NR3C2: variants seen among roughly 807,000 people sequenced by gnomAD.
NR3C2 encodes mineralocorticoid receptor.
A neutral mutation model predicts 86.4 loss-of-function variants in NR3C2; 15 were observed. That is an observed-to-expected ratio of 0.17 (90% CI 0.12 to 0.27). The LOEUF (loss-of-function observed/expected upper bound fraction) is 0.27. NR3C2 is among the 10% of genes least tolerant of loss of function. NR3C2 has a pLI of 1.00. For synonymous variants in NR3C2, 458 were observed against 450.5 expected (o/e 1.02, Z -0.21); for missense variants, 960 against 1,195.6 (o/e 0.80, Z 2.91).
chr4:148,435,890 C>T lies in NR3C2; in HGVS notation c.971G>A (p.Ser324Asn). Residue 324 changes from serine (S) to asparagine (N), a missense_variant, in exon 2 of 9, where the codon AGT becomes AAT. Around this residue, in one of 4 missense-constraint regions of NR3C2, gnomAD observed 680 missense variants for 719.0 expected, o/e 0.95. Coordinates refer to ENST00000358102, the MANE Select transcript of NR3C2 (RefSeq NM_000901.5). ...AGATCCCACAGTACTGGCTGCCGGA[C>T]TGGAAAGCGTGGATCTGTTATTAGT... ...SNTNNRSTLS[S>N]PAASTVGSIC... is the part of the protein sequence containing the mutation. 1 of 1,614,174 alleles carries T rather than the reference C, an allele frequency of 6.2e-7. No homozygotes were observed. Among genetic ancestry groups the T allele is most frequent in the Non-Finnish European group, 8.5e-7 (1 of 1,180,038 alleles).
At chr4:148,368,278 T>C (rs1477206701) in intron 2 of NR3C2, 1 of 152,200 alleles carries the variant, frequency 6.6e-6, no homozygotes, top group Non-Finnish European at 1.5e-5. Context: ...TGAGCCTTTG[T>C]ACACTTGCGG....
intron 2 of NR3C2, among the ~76,000 whole-genome samples, chr4:148,402,168 C>T (rs1270696902): frequency 6.6e-6 from 1 of 152,150 alleles, no homozygotes. Context: ...ATTACAGTAA[C>T]AAGCCTCACG....
intron 2 of NR3C2, among the ~76,000 whole-genome samples, chr4:148,340,800 C>T (rs10024999): frequency 0.65 from 98,978 of 152,022 alleles, 33,744 homozygotes; most frequent in Non-Finnish European, 0.75. Context: ...CCAATTGTTT[C>T]AAATGGACAA....
intron 4 of NR3C2, among the ~76,000 whole-genome samples, chr4:148,173,979 A>G (rs927012202): frequency 1.3e-5 from 2 of 152,208 alleles, no homozygotes; most frequent in Non-Finnish European, 2.9e-5. Flanking sequence ...GGCAAAGACA[A>G]AAATGGGTGT....
chr4:148,421,418 T>C (rs1010802300), intron 2 of NR3C2, among the ~76,000 whole-genome samples: 1 of 152,246 alleles, frequency 6.6e-6, no homozygotes, highest in Non-Finnish European at 1.5e-5. Flanking sequence ...TGTCTTAATA[T>C]AGTCTTTCTT....
chr4:148,398,799 A>T (rs1358604166), intron 2 of NR3C2, among the ~76,000 whole-genome samples: 1 of 152,212 alleles, frequency 6.6e-6, no homozygotes, highest in Non-Finnish European at 1.5e-5. Context: ...AATAATTACC[A>T]ATTGTAATGC....
At chr4:148,302,508 T>C (rs1742391493) in intron 2 of NR3C2, among the ~76,000 whole-genome samples, 2 of 152,196 alleles carry the variant, frequency 1.3e-5, no homozygotes, top group Non-Finnish European at 2.9e-5. Context: ...ACATAGTTGT[T>C]TGCTTAAGTG....
At chr4:148,188,478 T>C (rs1347198506) in intron 4 of NR3C2, among the ~76,000 whole-genome samples, 1 of 152,210 alleles carries the variant, frequency 6.6e-6, no homozygotes, top group African/African-American at 2.4e-5. Context: ...CATTTGATTT[T>C]ATATTTTTTG....
chr4:148,180,816 T>C (rs1735610591), intron 4 of NR3C2, among the ~76,000 whole-genome samples: 1 of 152,230 alleles, frequency 6.6e-6, no homozygotes, highest in Non-Finnish European at 1.5e-5. Context: ...TTGCATTATG[T>C]GGATGTATTC....
At chr4:148,440,687 A>G (rs1351635476) in intron 1 of NR3C2, among the ~76,000 whole-genome samples, 1 of 152,246 alleles carries the variant, frequency 6.6e-6, no homozygotes, top group Non-Finnish European at 1.5e-5. Flanking sequence ...TAAGCCATAC[A>G]TATGCTCTCA....
chr4:148,200,632 C>A (rs1736674009), intron 3 of NR3C2, among the ~76,000 whole-genome samples: 1 of 152,150 alleles, frequency 6.6e-6, no homozygotes, highest in Non-Finnish European at 1.5e-5. Context: ...GTTACTTAGC[C>A]TTTTCATATA....
Position 148,154,920 on chromosome 4 carries a change from G to A in NR3C2, c.2015-19C>T. ...TTTCGTGCTATAAGAAACCATAAAT[G>A]ATAAGGCCAAATTAAAATTATGTTT... On this transcript the variant is annotated intron_variant, in intron 4 of 8. Coordinates refer to ENST00000358102, the MANE Select transcript of NR3C2 (RefSeq NM_000901.5). 6.5e-7 allele frequency: 1 copy of A among 1,532,926 alleles called. No homozygotes were observed. The highest frequency in any genetic ancestry group is 8.8e-7 in the Non-Finnish European group (1 of 1,132,800). 95.0% of individuals were successfully genotyped at this position (1,532,926 alleles called of 1,614,324 possible). A position where few individuals can be genotyped will look rare whatever the true frequency, so the allele number is the denominator to read the frequency against.
At chr4:148,220,048 AAGTAGTT>A (rs1206981691) in intron 3 of NR3C2, among the ~76,000 whole-genome samples, 4 of 151,890 alleles carry the variant, frequency 2.6e-5, no homozygotes, top group African/African-American at 9.7e-5. Context: ...TCAGCCTCCT[AAGTAGTT>A]AGGACCACAG....
intron 3 of NR3C2, among the ~76,000 whole-genome samples, chr4:148,210,583 G>T (rs1049907634): frequency 2.0e-5 from 3 of 152,174 alleles, no homozygotes; most frequent in African/African-American, 7.2e-5. Flanking sequence ...ACTTGTCAGT[G>T]TTCTTTTATG....
At chr4:148,360,148 T>C (rs1276840194) in intron 2 of NR3C2, among the ~76,000 whole-genome samples, 1 of 152,198 alleles carries the variant, frequency 6.6e-6, no homozygotes, top group East Asian at 1.9e-4. Context: ...ATCTTGGCAA[T>C]ACAAATAAAT....
chr4:148,239,121 G>A (rs574814883), intron 3 of NR3C2, among the ~76,000 whole-genome samples: 2 of 152,326 alleles, frequency 1.3e-5, no homozygotes, highest in African/African-American at 4.8e-5. Flanking sequence ...TCCAAAGTTC[G>A]TATATGATGC....
chr4:148,345,582 T>C (rs1343534624), intron 2 of NR3C2, among the ~76,000 whole-genome samples: 1 of 152,006 alleles, frequency 6.6e-6, no homozygotes, highest in Non-Finnish European at 1.5e-5. Context: ...TTTCTATGTA[T>C]AATGAAACAG....
intron 2 of NR3C2, among the ~76,000 whole-genome samples, chr4:148,390,556 G>T (rs570496293): frequency 1.3e-5 from 2 of 152,054 alleles, no homozygotes; most frequent in Non-Finnish European, 2.9e-5. Context: ...AGTACACTAC[G>T]GGCACTGTGT....
intron 3 of NR3C2, among the ~76,000 whole-genome samples, chr4:148,220,890 G>C (rs1033780464): frequency 1.3e-5 from 2 of 152,182 alleles, no homozygotes; most frequent in East Asian, 3.8e-4. Flanking sequence ...AATCCAAGGA[G>C]AGGTGCAACA....
Sources: gnomAD v4.1 joint callset for allele counts (sites outside exome capture counted in the v4.1 genomes callset) on GRCh38, gnomAD v4.1.1 for gene constraint, gnomAD v4.1.1 regional missense constraint, MANE v1.5 for transcripts, NCBI Gene and HGNC (gene_info 2026-07-23, HGNC 2026-07-21) for gene names.